Variants in TLN2 observed in about 807,000 individuals in gnomAD.
The protein encoded by TLN2 is talin-2.
Under a neutral mutation model 294.7 loss-of-function variants are expected in TLN2, and 118 were observed. The observed-to-expected ratio is 0.40, with a 90% CI of 0.34 to 0.47. The LOEUF (loss-of-function observed/expected upper bound fraction) is 0.47. TLN2 is among the 20% of genes least tolerant of loss of function. The pLI is 0.84. For missense variants in TLN2, 3,083 were observed against 3,282.2 expected (o/e 0.94, Z 1.48); for synonymous variants, 1,431 against 1,304.5 (o/e 1.10, Z -2.09).
intron 52 of TLN2, among the ~76,000 whole-genome samples, chr15:62,816,903 C>A (rs142760050): frequency 6.6e-6 from 1 of 152,150 alleles, no homozygotes; most frequent in Non-Finnish European, 1.5e-5. Context: ...TGACAAATGC[C>A]ACCATCTAAG....
chr15:62,439,499 G>A (rs996105116), intron 1 of TLN2, among the ~76,000 whole-genome samples: 2 of 152,108 alleles, frequency 1.3e-5, no homozygotes, highest in Admixed American at 6.6e-5. Context: ...TTTTAGTAGA[G>A]ACAGGGTTTA....
chr15:62,448,044 A>G (rs572668298), intron 1 of TLN2, among the ~76,000 whole-genome samples: 1 of 152,296 alleles, frequency 6.6e-6, no homozygotes, highest in Admixed American at 6.5e-5. Flanking sequence ...TCCTCCCAGG[A>G]GGAGCCCAGG....
chr15:62,644,414 T>C (rs928721835), intron 3 of TLN2: 1 of 446,298 alleles, frequency 2.2e-6, no homozygotes, highest in Non-Finnish European at 4.5e-6. Flanking sequence ...TCTCCCTCAC[T>C]CCCTAGGTGG....
At chr15:62,522,438 C>T (rs1567054717) in intron 1 of TLN2, among the ~76,000 whole-genome samples, 1 of 152,112 alleles carries the variant, frequency 6.6e-6, no homozygotes, top group Admixed American at 6.6e-5. Context: ...GGATGAAATA[C>T]GGGTCAGCTT....
chr15:62,430,352 A>G (rs971133476), intron 1 of TLN2, among the ~76,000 whole-genome samples: 6 of 152,244 alleles, frequency 3.9e-5, no homozygotes, highest in Non-Finnish European at 7.3e-5. Flanking sequence ...AATTGAAGAC[A>G]TGGAAACTAT....
At chr15:62,625,517 G>A (rs558429261) in intron 3 of TLN2, among the ~76,000 whole-genome samples, 79 of 152,304 alleles carry the variant, frequency 5.2e-4, no homozygotes, top group Non-Finnish European at 9.0e-4. Flanking sequence ...AGATGGTCTT[G>A]GAGGTTTCTG....
chr15:62,614,668 G>C lies in TLN2; in HGVS notation c.-161-3683G>C, dbSNP rs190588282. ...ATAATTGTAATTTTTATTGAGAAAA[G>C]TTAAAACTGAGAATTGTAAAAAGTT... On this transcript the variant is annotated intron_variant, in intron 2 of 58. Transcript: ENST00000636159. Among the ~76,000 whole-genome samples, 281 of 152,240 alleles carry C rather than the reference G, an allele frequency of 1.8e-3. 1 individual carries two copies. Among genetic ancestry groups the C allele is most frequent in the African/African-American group, 6.7e-3 (277 of 41,546 alleles).
intron 50 of TLN2, among the ~76,000 whole-genome samples, chr15:62,803,654 T>C (rs921614120): frequency 1.3e-5 from 2 of 152,252 alleles, no homozygotes; most frequent in Non-Finnish European, 1.5e-5. Flanking sequence ...GCTTGATTCT[T>C]TTTAATTATT....
intron 25 of TLN2, among the ~76,000 whole-genome samples, chr15:62,720,710 A>G (rs1191385374): frequency 6.6e-6 from 1 of 151,786 alleles, no homozygotes; most frequent in Non-Finnish European, 1.5e-5. Context: ...TTCATTGTAT[A>G]TAGGCCCTTT....
chr15:62,404,706 A>AGG (rs56083775), intron 1 of TLN2, among the ~76,000 whole-genome samples: 3 of 152,054 alleles, frequency 2.0e-5, no homozygotes, highest in South Asian at 2.1e-4. Flanking sequence ...GGATCTTCCA[A>AGG]GGGGGGCGTG....
rs557338346 is a variant in TLN2 at position 62,567,572 on chromosome 15, C to T, written c.-237-22115C>T. Among the ~76,000 whole-genome samples, 11 of 152,264 alleles carry T rather than the reference C, an allele frequency of 7.2e-5. No homozygotes were observed. In the South Asian group the frequency reaches 1.7e-3, roughly 23 times the overall value. On this transcript the variant is annotated intron_variant, in intron 1 of 58. Coordinates refer to ENST00000636159, the MANE Select transcript of TLN2 (RefSeq NM_015059.3). Reference sequence around the variant, plus strand: ...GGGACCAGCCAGGAGCTGTGGCTCACGCTTGTAATCCCAGCACTTTGGGAG... The same window carrying T: ...GGGACCAGCCAGGAGCTGTGGCTCATGCTTGTAATCCCAGCACTTTGGGAG...
intron 2 of TLN2, among the ~76,000 whole-genome samples, chr15:62,602,756 A>G (rs1212539587): frequency 1.3e-5 from 2 of 152,064 alleles, no homozygotes; most frequent in East Asian, 3.9e-4. Flanking sequence ...CTGAGCCTTT[A>G]TGACCTAATC....
intron 1 of TLN2, among the ~76,000 whole-genome samples, chr15:62,489,080 G>C (rs2038566464): frequency 6.6e-6 from 1 of 152,170 alleles, no homozygotes; most frequent in Non-Finnish European, 1.5e-5. Context: ...AGAATCACTT[G>C]AACCTGGCAG....
At chr15:62,689,864 T>A (rs1031197580) in intron 12 of TLN2, among the ~76,000 whole-genome samples, 1 of 83,546 alleles carries the variant, frequency 1.2e-5, no homozygotes, top group African/African-American at 3.4e-5. Context: ...TTTTTTTTTT[T>A]TTTTTTTTTT....
chr15:62,547,160 G>C (rs1326973316), intron 1 of TLN2, among the ~76,000 whole-genome samples: 1 of 152,194 alleles, frequency 6.6e-6, no homozygotes. Context: ...GCTTTATTCT[G>C]TAGATCACTC....
At chr15:62,535,755 A>T (rs548252427) in intron 1 of TLN2, among the ~76,000 whole-genome samples, 8 of 152,006 alleles carry the variant, frequency 5.3e-5, no homozygotes, top group African/African-American at 1.9e-4. Context: ...GGGTTTCACT[A>T]TGTTGGTCAG....
intron 52 of TLN2, among the ~76,000 whole-genome samples, chr15:62,813,065 C>T (rs2066816858): frequency 6.6e-6 from 1 of 152,204 alleles, no homozygotes; most frequent in African/African-American, 2.4e-5. Flanking sequence ...CTCATGGAGG[C>T]TGGAGATCGG....
At chr15:62,791,900 G>C (rs2141116470) in intron 45 of TLN2, among the ~76,000 whole-genome samples, 1 of 152,344 alleles carries the variant, frequency 6.6e-6, no homozygotes, top group East Asian at 1.9e-4. Context: ...GGAGACAGCT[G>C]GCAGCTAATC....
intron 28 of TLN2, among the ~76,000 whole-genome samples, chr15:62,731,038 T>G (rs2060696691): frequency 6.6e-6 from 1 of 152,218 alleles, no homozygotes; most frequent in African/African-American, 2.4e-5. Flanking sequence ...TATCTTCCAG[T>G]TCACTTTTCC....
Sources: gnomAD v4.1 joint callset for allele counts (sites outside exome capture counted in the v4.1 genomes callset) on GRCh38, gnomAD v4.1.1 for gene constraint, MANE v1.5 for transcripts, NCBI Gene and HGNC (gene_info 2026-07-23, HGNC 2026-07-21) for gene names.